STARD13: variants seen among roughly 807,000 people sequenced by gnomAD.
STARD13 encodes StAR related lipid transfer domain containing 13.
STARD13 carries 62 observed loss-of-function variants against 106.4 expected under a neutral mutation model. The ratio of observed to expected loss-of-function variants is 0.58; its 90% confidence interval spans 0.48 to 0.72. The LOEUF is 0.72. Among genes scored for constraint, STARD13 ranks in the 30% least tolerant of loss-of-function variants. STARD13 has a pLI of 0.00. For synonymous variants in STARD13, 565 were observed against 553.0 expected, an observed-to-expected ratio of 1.02 and a Z score of -0.31; for missense variants, 1,387 against 1,424.0, an observed-to-expected ratio of 0.97 and a Z score of 0.42.
the STARD13 span, among the ~76,000 whole-genome samples, chr13:33,545,356 A>G: frequency 1.5e-4 from 23 of 152,164 alleles, no homozygotes; most frequent in Non-Finnish European, 1.8e-4. Flanking sequence ...CGGCTTCCCA[A>G]AGTGCTGGGA....
At chr13:33,215,752 C>A (rs948529892) in intron 1 of STARD13, among the ~76,000 whole-genome samples, 1 of 152,094 alleles carries the variant, frequency 6.6e-6, no homozygotes, top group Middle Eastern at 3.2e-3. Flanking sequence ...GAACAGGAAA[C>A]TTTTTGTGAT....
chr13:33,361,578 G>T, the STARD13 span, among the ~76,000 whole-genome samples: 25 of 152,292 alleles, frequency 1.6e-4, no homozygotes, highest in East Asian at 2.1e-3. Flanking sequence ...AATTTATAAA[G>T]AAAAGAGGTT....
chr13:33,545,160 A>C, the STARD13 span, among the ~76,000 whole-genome samples: 1 of 152,014 alleles, frequency 6.6e-6, no homozygotes, highest in Middle Eastern at 3.2e-3. Flanking sequence ...AGTTTTCTCC[A>C]TGTTGGTCAG....
At chr13:33,613,941 T>A in the STARD13 span, among the ~76,000 whole-genome samples, 3 of 151,934 alleles carry the variant, frequency 2.0e-5, no homozygotes. Context: ...GGGAGAAGCA[T>A]GAGATTACAA....
At chr13:33,488,146 G>T in the STARD13 span, among the ~76,000 whole-genome samples, 1 of 151,998 alleles carries the variant, frequency 6.6e-6, no homozygotes, top group South Asian at 2.1e-4. Flanking sequence ...CTAAGGTTCT[G>T]TCCTTAATCT....
chr13:33,416,642 C>T, the STARD13 span, among the ~76,000 whole-genome samples: 21 of 152,124 alleles, frequency 1.4e-4, no homozygotes, highest in Admixed American at 2.6e-4. Context: ...GATATTCACA[C>T]GCAAAAGATT....
the STARD13 span, among the ~76,000 whole-genome samples, chr13:33,483,867 C>A: frequency 6.6e-6 from 1 of 152,202 alleles, no homozygotes; most frequent in Non-Finnish European, 1.5e-5. Context: ...AAACCACTGG[C>A]ATTTCAGCCA....
chr13:33,265,663 A>T (rs944803080), intron 1 of STARD13, among the ~76,000 whole-genome samples: 1 of 152,122 alleles, frequency 6.6e-6, no homozygotes, highest in South Asian at 2.1e-4. Flanking sequence ...AATTCATTTA[A>T]TGTTCGTAGT....
At chr13:33,534,616 T>C in the STARD13 span, among the ~76,000 whole-genome samples, 3 of 152,214 alleles carry the variant, frequency 2.0e-5, no homozygotes, top group Admixed American at 6.5e-5. Flanking sequence ...TTTTCTAATG[T>C]ATTTTTTTAT....
the STARD13 span, among the ~76,000 whole-genome samples, chr13:33,403,864 A>G: frequency 1.3e-5 from 2 of 152,204 alleles, no homozygotes; most frequent in African/African-American, 2.4e-5. Context: ...ACTTGCTATA[A>G]GGGTTAAAAA....
chr13:33,350,720 C>A, upstream of STARD13: 1 of 999,432 alleles, frequency 1.0e-6, no homozygotes, highest in Non-Finnish European at 1.2e-6. Context: ...CACTCCCCTC[C>A]CTCCCCTGCC....
At chr13:33,437,101 A>T in the STARD13 span, among the ~76,000 whole-genome samples, 1 of 152,202 alleles carries the variant, frequency 6.6e-6, no homozygotes, top group Non-Finnish European at 1.5e-5. Context: ...AATGAAATCC[A>T]CAAGCAGACA....
the STARD13 span, among the ~76,000 whole-genome samples, chr13:33,668,683 G>T: frequency 6.6e-6 from 1 of 152,160 alleles, no homozygotes; most frequent in African/African-American, 2.4e-5. Flanking sequence ...GATGCTCACC[G>T]CTAGTTCTTC....
At chr13:33,334,802 G>A (rs192323371) in intron 1 of STARD13, among the ~76,000 whole-genome samples, 8 of 152,218 alleles carry the variant, frequency 5.3e-5, no homozygotes, top group Non-Finnish European at 7.4e-5. Context: ...CCAGGCAGGC[G>A]GTAAACTAAC....
intron 1 of STARD13, among the ~76,000 whole-genome samples, chr13:33,235,991 A>AC (rs1737402133): frequency 6.6e-6 from 1 of 151,852 alleles, no homozygotes; most frequent in Non-Finnish European, 1.5e-5. Context: ...CAAAAAATCC[A>AC]CCCCCCAAAT....
intron 1 of STARD13, among the ~76,000 whole-genome samples, chr13:33,263,892 G>A (rs762994171): frequency 6.6e-6 from 1 of 152,182 alleles, no homozygotes; most frequent in African/African-American, 2.4e-5. Flanking sequence ...TAATGGGTCT[G>A]CTCTTCTTGA....
At chr13:33,497,823 G>A in the STARD13 span, among the ~76,000 whole-genome samples, 6 of 152,122 alleles carry the variant, frequency 3.9e-5, no homozygotes, top group East Asian at 3.9e-4. Flanking sequence ...GTGTGAGAGC[G>A]TCCTGGCATA....
the STARD13 span, among the ~76,000 whole-genome samples, chr13:33,636,018 C>T: frequency 6.7e-6 from 1 of 150,340 alleles, no homozygotes; most frequent in African/African-American, 2.5e-5. Flanking sequence ...TGTGGGCACC[C>T]GTAATCCCAG....
At chr13:33,427,267 A>G in the STARD13 span, among the ~76,000 whole-genome samples, 7 of 152,218 alleles carry the variant, frequency 4.6e-5, no homozygotes, top group African/African-American at 1.7e-4. Flanking sequence ...ACTCAAACTC[A>G]GGCCTCTCTA....
Sources: allele counts gnomAD v4.1 joint callset (sites outside exome capture counted in the v4.1 genomes callset), GRCh38; gene constraint gnomAD v4.1.1; transcripts MANE v1.5; gene names NCBI Gene and HGNC (gene_info 2026-07-23, HGNC 2026-07-21).